KCTD18: variants seen among roughly 807,000 people sequenced by gnomAD.
KCTD18 encodes the protein BTB/POZ domain-containing protein KCTD18.
A neutral mutation model predicts 30.4 loss-of-function variants in KCTD18; 22 were observed. The observed-to-expected ratio is 0.72, with a 90% CI of 0.52 to 1.03. The LOEUF is 1.03. Ranked by LOEUF, KCTD18 falls within the 50% of genes least tolerant of loss-of-function variation. The pLI is 0.00. For synonymous variants in KCTD18, 186 were observed against 209.0 expected, an observed-to-expected ratio of 0.89 and a Z score of 0.95; for missense variants, 529 against 547.6, an observed-to-expected ratio of 0.97 and a Z score of 0.34.
intron 3 of KCTD18, among the ~76,000 whole-genome samples, chr2:200,500,099 C>G (rs1378504792): frequency 6.6e-5 from 10 of 151,594 alleles, no homozygotes; most frequent in Non-Finnish European, 1.3e-4. Context: ...GCTAAAAACT[C>G]TCAATAAATT....
chr2:200,492,575 A>G (rs952873815), intron 6 of KCTD18, among the ~76,000 whole-genome samples: 1 of 152,252 alleles, frequency 6.6e-6, no homozygotes, highest in Non-Finnish European at 1.5e-5. Flanking sequence ...ACGGGCATTC[A>G]ATTAAATTGT....
intron 3 of KCTD18, among the ~76,000 whole-genome samples, chr2:200,502,276 T>C (rs1212050670): frequency 2.6e-5 from 4 of 151,744 alleles, no homozygotes; most frequent in Admixed American, 1.3e-4. Context: ...ACCCTAAAAC[T>C]TAAAAGTATA....
intron 6 of KCTD18, among the ~76,000 whole-genome samples, 172 bp from the exon 7 acceptor site, chr2:200,490,788 A>G (rs2087904408): frequency 6.6e-6 from 1 of 152,192 alleles, no homozygotes; most frequent in Admixed American, 6.5e-5. Context: ...TCAGTAAGCA[A>G]GTTTACAAAA....
chr2:200,505,885 C>T (rs961824249), intron 2 of KCTD18, among the ~76,000 whole-genome samples: 7 of 151,346 alleles, frequency 4.6e-5, no homozygotes, highest in South Asian at 4.2e-4. Flanking sequence ...GAGAGAAAAA[C>T]CTCTACATGA....
chr2:200,508,272 T>C (rs962821013), intron 1 of KCTD18, among the ~76,000 whole-genome samples: 1 of 152,166 alleles, frequency 6.6e-6, no homozygotes, highest in African/African-American at 2.4e-5. Flanking sequence ...GTAATTTTAG[T>C]AGAGACGGCG....
chr2:200,498,443 T>C (rs2088031290), intron 4 of KCTD18, among the ~76,000 whole-genome samples: 1 of 152,236 alleles, frequency 6.6e-6, no homozygotes, highest in South Asian at 2.1e-4. Context: ...CATAAAATTC[T>C]AAAGCTGGAA....
rs762424043 is a variant in KCTD18 at position 200,493,190 on chromosome 2, A to G, written c.746T>C (p.Met249Thr). Residue 249 changes from methionine (M) to threonine (T), a missense_variant, in exon 6 of 7, where the codon ATG (methionine) becomes ACG (threonine). Physicochemically the swap from Met to Thr is moderately conservative, Grantham distance 81 (BLOSUM62 -1). Coordinates refer to ENST00000359878, the MANE Select transcript of KCTD18 (RefSeq NM_152387.4). ...ERPLLGSLRHMAPIRKRRLIT... is the reference protein window; with the variant it reads ...ERPLLGSLRHTAPIRKRRLIT... ...AGATAACCTCTTTCGAATTGGAGCC[A>G]TGTGACGCAGGCTTCCAAGTAAAGG... The G allele has an allele frequency of 6.2e-7, 1 of 1,609,862 alleles. No homozygotes were observed. Among genetic ancestry groups the G allele is most frequent in the South Asian group, 1.1e-5 (1 of 90,992 alleles).
chr2:200,497,890 A>G (rs765285517), intron 4 of KCTD18, 43 bp from the exon 5 acceptor site: 6 of 1,286,716 alleles, frequency 4.7e-6, no homozygotes, highest in Non-Finnish European at 6.8e-6. Flanking sequence ...CTACCTAGGT[A>G]TGGATGTGCA....
chr2:200,493,039 A>C, intron 6 of KCTD18, 133 bp downstream of exon 6: 1 of 606,726 alleles, frequency 1.6e-6, no homozygotes, highest in Non-Finnish European at 2.9e-6. Context: ...TTTGATGGTA[A>C]GACAGAATAT....
intron 1 of KCTD18, among the ~76,000 whole-genome samples, chr2:200,507,376 G>A (rs2030260981): frequency 6.6e-6 from 1 of 152,224 alleles, no homozygotes; most frequent in South Asian, 2.1e-4. Flanking sequence ...AAACAAAGGA[G>A]AGGCCTGCTT....
chr2:200,506,759 G>T (rs2106285618), intron 2 of KCTD18, 98 bp downstream of exon 2: 2 of 1,053,374 alleles, frequency 1.9e-6, no homozygotes, highest in Non-Finnish European at 1.4e-6. Flanking sequence ...AATTAGTATA[G>T]TCATCTAGTA....
chr2:200,502,418 TACTG>T (rs1429160816), intron 3 of KCTD18, among the ~76,000 whole-genome samples: 2 of 152,234 alleles, frequency 1.3e-5, no homozygotes, highest in Non-Finnish European at 2.9e-5. Flanking sequence ...ATTCACCTTC[TACTG>T]ACTAACCCCA....
intron 6 of KCTD18, 149 bp from the exon 7 acceptor site, chr2:200,490,765 T>C (rs941318602): frequency 8.1e-6 from 6 of 736,720 alleles, no homozygotes; most frequent in Admixed American, 3.2e-5. Context: ...TCATCTCTCA[T>C]CTCCCACCAA....
At chr2:200,502,633 C>A (rs10084263) in intron 3 of KCTD18, among the ~76,000 whole-genome samples, 92,866 of 152,092 alleles carry the variant, frequency 0.61, 28,744 homozygotes, top group East Asian at 0.79. Flanking sequence ...TAACGTCCTG[C>A]AGATATAACA....
intron 6 of KCTD18, among the ~76,000 whole-genome samples, chr2:200,491,343 T>TA (rs1553550342): frequency 1.3e-5 from 2 of 152,232 alleles, no homozygotes; most frequent in Non-Finnish European, 2.9e-5. Context: ...AACCTTCTTG[T>TA]ACAGACTGCA....
chr2:200,492,175 C>T lies in KCTD18; in HGVS notation c.764+997G>A, dbSNP rs148559463. ...ACTCCACACTGAGGTTTCTCAACCT[C>T]GGCACTATTACCATTTTGGTCACAT... On this transcript the variant is annotated intron_variant, in intron 6 of 6. Coordinates refer to ENST00000359878, the MANE Select transcript of KCTD18 (RefSeq NM_152387.4). Among the ~76,000 whole-genome samples the T allele has an allele frequency of 1.1e-3, 169 of 152,298 alleles. 1 individual carries two copies. Among genetic ancestry groups the T allele is most frequent in the Admixed American group, 2.4e-3 (36 of 15,300 alleles).
At chr2:200,503,587 C>G (rs913526618) in intron 3 of KCTD18, among the ~76,000 whole-genome samples, 3 of 152,192 alleles carry the variant, frequency 2.0e-5, no homozygotes, top group African/African-American at 7.2e-5. Flanking sequence ...TCCCAACCTT[C>G]TAGTCAGGCC....
In KCTD18 at chr2:200,498,901, T is replaced by G; in HGVS notation, c.556A>C (p.Ile186Leu). The change falls in exon 4 of 7, where the codon ATT becomes CTT. Residue 186 changes from isoleucine to leucine, a missense_variant. Coordinates refer to ENST00000359878, the MANE Select transcript of KCTD18 (RefSeq NM_152387.4). ...QLGGRIHSKG[I>L]FKREAGNNVQ... is the part of the protein sequence containing the mutation. ...TAAATTTGGACATACCTTTTAAAAATGCCTTTGCTGTGAATTCTTCCTCCC... is the reference window on the plus strand; with the variant it reads ...TAAATTTGGACATACCTTTTAAAAAGGCCTTTGCTGTGAATTCTTCCTCCC... 6.2e-7 allele frequency: 1 copy of G among 1,613,718 alleles called. No homozygotes were observed. Among genetic ancestry groups the G allele is most frequent in the East Asian group, 2.2e-5 (1 of 44,878 alleles).
rs193061781 is a variant in KCTD18 at position 200,492,542 on chromosome 2, A to G, written c.764+630T>C. ...AGTGAAAGACCCAGAGGGCAAATGT[A>G]AGAAAGTAGTCTGAAATTCCATACG... On this transcript the variant is annotated intron_variant, in intron 6 of 6. Coordinates refer to ENST00000359878, the MANE Select transcript of KCTD18 (RefSeq NM_152387.4). 1.2e-4 allele frequency among the ~76,000 whole-genome samples: 19 copies of G among 152,368 alleles called. No individual in the cohort carries two copies. In the East Asian group the frequency reaches 2.9e-3, roughly 23 times the overall value.
Sources: allele counts gnomAD v4.1 joint callset (sites outside exome capture counted in the v4.1 genomes callset), GRCh38; gene constraint gnomAD v4.1.1; transcripts MANE v1.5; gene names NCBI Gene and HGNC (gene_info 2026-07-23, HGNC 2026-07-21).